Variants in PKHD1L1 observed in about 807,000 individuals in gnomAD.
PKHD1L1 encodes PKHD1 like 1.
Under a neutral mutation model 462.9 loss-of-function variants are expected in PKHD1L1, and 434 were observed. The observed-to-expected ratio is 0.94, with a 90% CI of 0.87 to 1.02. PKHD1L1 has a LOEUF of 1.02. Among genes scored for constraint, PKHD1L1 ranks in the 50% least tolerant of loss-of-function variants. The pLI is 0.00. For synonymous variants in PKHD1L1, 1,781 were observed against 1,750.0 expected (o/e 1.02, Z -0.44); for missense variants, 5,202 against 5,096.1 (o/e 1.02, Z -0.63).
rs764747168 is a variant in PKHD1L1 at position 109,445,587 on chromosome 8, G to A, written c.5718G>A (p.Leu1906=). ...IFVNTIAYPP[L]LFTYALEDTP... ...TTAATACAATTGCTTATCCACCTTT[G>A]CTTTTTACATATGCCCTGGAGGATA... The change falls in exon 38 of 78, where the codon TTG becomes TTA. Residue 1906 remains leucine, a synonymous_variant. Coordinates refer to ENST00000378402, the MANE Select transcript of PKHD1L1 (RefSeq NM_177531.6). The A allele has an allele frequency of 3.5e-5, 57 of 1,610,892 alleles. No individual in the cohort carries two copies. The highest frequency in any genetic ancestry group is 4.1e-5 in the Non-Finnish European group (48 of 1,178,286).
intron 20 of PKHD1L1, 92 bp from the exon 21 acceptor site, chr8:109,413,329 T>C (rs373455897): frequency 1.1e-6 from 1 of 918,328 alleles, no homozygotes. Flanking sequence ...AAATGCTCAA[T>C]AAATATTTAT....
In PKHD1L1 at chr8:109,480,015, A is replaced by T. The variant is rs201285415; in HGVS notation, c.9203A>T (p.Asp3068Val). 3.3e-4 allele frequency: 517 copies of T among 1,590,382 alleles called. No individual in the cohort carries two copies. Among genetic ancestry groups the T allele is most frequent in the African/African-American group, 2.8e-3 (208 of 73,620 alleles). ...GGAACATGGATTGTAGCTGACATAG[A>T]TATGCCATCAATGGAAAGACTCATT... is the stretch of plus-strand genomic sequence containing the variant. ...PEGTWIVADI[D>V]MPSMERLIIW... The change falls in exon 55 of 78, where the codon GAT (aspartate) becomes GTT (valine). Residue 3068 changes from aspartate to valine, a missense_variant. Asp to Val is a radical substitution (Grantham distance 152). Transcript: ENST00000378402.
intron 8 of PKHD1L1, among the ~76,000 whole-genome samples, chr8:109,390,052 T>C (rs1812640859): frequency 6.6e-6 from 1 of 152,106 alleles, no homozygotes; most frequent in Admixed American, 6.6e-5. Flanking sequence ...CTCTAGACAA[T>C]ATGTTCTGTT....
rs1415718620 is a variant in PKHD1L1, at chr8:109,452,765, A to G, written c.6555A>G (p.Ser2185=). 6.5e-7 allele frequency: 1 copy of G among 1,540,340 alleles called. No individual in the cohort carries two copies. Among genetic ancestry groups the G allele is most frequent in the Non-Finnish European group, 8.7e-7 (1 of 1,143,886 alleles). Residue 2185 remains serine, a synonymous_variant, in exon 43 of 78, where the codon TCA becomes TCG. Transcript: ENST00000378402. ...TTGATGCCTGGTCCTCCAATTTCTC[A>G]TGGGGGGGAAAATCTCCCCCAGAAG... ...LYVDAWSSNF[S]WGGKSPPEEG... is the part of the protein sequence containing the mutation.
In PKHD1L1 at chr8:109,409,502, A is replaced by C. The variant is rs184386486; in HGVS notation, c.1972-363A>C. ...AGTTTTTTTTTTCCAGTTAATTTTG[A>C]GTTATTTGGAAAAAGTATTTATTTG... is the stretch of plus-strand genomic sequence containing the variant. On this transcript the variant is annotated intron_variant, in intron 18 of 77. Transcript: ENST00000378402. Among the ~76,000 whole-genome samples the C allele has an allele frequency of 6.5e-3, 991 of 151,872 alleles. 10 individuals are homozygous for C. The highest frequency in any genetic ancestry group is 0.012 in the Non-Finnish European group (794 of 67,906).
intron 39 of PKHD1L1, among the ~76,000 whole-genome samples, chr8:109,448,975 T>C (rs181300027): frequency 1.3e-5 from 2 of 152,124 alleles, no homozygotes; most frequent in Non-Finnish European, 2.9e-5. Flanking sequence ...ATTTAAAAAA[T>C]TTTTTAGTTA....
intron 38 of PKHD1L1, among the ~76,000 whole-genome samples, chr8:109,446,022 G>A (rs961100797): frequency 5.9e-5 from 9 of 152,130 alleles, no homozygotes; most frequent in African/African-American, 1.7e-4. Flanking sequence ...CATTGAGAGT[G>A]TTTCAGAGTA....
rs1586547310 is a variant in PKHD1L1, at chr8:109,452,886, A to C, written c.6664+12A>C. The C allele has an allele frequency of 1.4e-6, 2 of 1,392,092 alleles. No individual in the cohort carries two copies. Among genetic ancestry groups the C allele is most frequent in the East Asian group, 5.5e-5 (2 of 36,634 alleles). The allele number at this position is 1,392,092 out of a possible 1,614,324, so 86.2% of individuals were successfully genotyped here. A position where few individuals can be genotyped will look rare whatever the true frequency, so the allele number is the denominator to read the frequency against. ...GTTGCTTATTCAGGGTAAATTTCTG[A>C]ATATCTGTTCATTGGACTCTGCCTG... On this transcript the variant is annotated intron_variant, in intron 43 of 77. Transcript: ENST00000378402.
At chr8:109,363,725 C>T (rs1811091462) in intron 1 of PKHD1L1, among the ~76,000 whole-genome samples, 1 of 152,178 alleles carries the variant, frequency 6.6e-6, no homozygotes. Context: ...GGGCAGTTCC[C>T]TCTATCTAGA....
In PKHD1L1 at chr8:109,507,866, T is replaced by G; in HGVS notation, c.11198T>G (p.Ile3733Ser). Residue 3733 changes from isoleucine (I) to serine (S), a missense_variant, in exon 69 of 78, where the codon ATT becomes AGT. Around this residue, in one of 3 missense-constraint regions of PKHD1L1, gnomAD observed 698 missense variants for 736.3 expected, o/e 0.95. Transcript: ENST00000378402. ...AMLTFLNGSR[I>S]PVTEKAPHKG... ...CTCACATTCTTGAATGGAAGTAGAA[T>G]TCCTGTCACTGAGAAAGCACCTCAT... is the stretch of plus-strand genomic sequence containing the variant. The G allele has an allele frequency of 6.2e-7, 1 of 1,613,604 alleles. No individual in the cohort carries two copies. Among genetic ancestry groups the G allele is most frequent in the Non-Finnish European group, 8.5e-7 (1 of 1,179,648 alleles).
chr8:109,473,518 GAA>G (rs1018548199), intron 50 of PKHD1L1, among the ~76,000 whole-genome samples: 1 of 131,054 alleles, frequency 7.6e-6, no homozygotes, highest in Non-Finnish European at 1.7e-5. Flanking sequence ...TCCATCTCAA[GAA>G]AAAAAAAAAA....
intron 24 of PKHD1L1, among the ~76,000 whole-genome samples, chr8:109,426,279 C>T (rs538149222): frequency 2.3e-4 from 35 of 151,952 alleles, no homozygotes; most frequent in African/African-American, 8.4e-4. Flanking sequence ...AAAAGTATTT[C>T]TATATTAAAA....
intron 47 of PKHD1L1, among the ~76,000 whole-genome samples, chr8:109,460,807 C>T (rs531265457): frequency 2.6e-5 from 4 of 152,300 alleles, no homozygotes. Context: ...CAGGTGGGCT[C>T]TTCTCATTAT....
At chr8:109,443,296 A>G (rs1040099856) in intron 36 of PKHD1L1, among the ~76,000 whole-genome samples, 180 bp downstream of exon 36, 1 of 152,132 alleles carries the variant, frequency 6.6e-6, no homozygotes, top group Non-Finnish European at 1.5e-5. Context: ...GGATCGCATT[A>G]ATGTCTTCCT....
At chr8:109,373,176 T>A (rs1811610516) in intron 2 of PKHD1L1, among the ~76,000 whole-genome samples, 1 of 152,302 alleles carries the variant, frequency 6.6e-6, no homozygotes, top group South Asian at 2.1e-4. Flanking sequence ...TTGCCTCAAT[T>A]TCAGAGCCTG....
intron 46 of PKHD1L1, among the ~76,000 whole-genome samples, chr8:109,457,305 C>T (rs1816879095): frequency 6.6e-6 from 1 of 152,094 alleles, no homozygotes; most frequent in African/African-American, 2.4e-5. Context: ...CTTTAGTGCT[C>T]ATTTTGTTCT....
intron 23 of PKHD1L1, among the ~76,000 whole-genome samples, chr8:109,422,481 C>T (rs192709626): frequency 1.8e-4 from 27 of 152,278 alleles, no homozygotes; most frequent in South Asian, 1.0e-3. Flanking sequence ...CACACAAATA[C>T]ATAGCTTTTG....
chr8:109,424,145 T>G (rs759071000), intron 23 of PKHD1L1, among the ~76,000 whole-genome samples: 3 of 152,130 alleles, frequency 2.0e-5, no homozygotes, highest in Non-Finnish European at 4.4e-5. Flanking sequence ...CAATAACCAC[T>G]CTTTTGACAT....
intron 17 of PKHD1L1, 141 bp downstream of exon 17, chr8:109,406,619 T>C (rs1402056409): frequency 6.0e-6 from 6 of 1,003,958 alleles, no homozygotes; most frequent in Non-Finnish European, 1.4e-6. Flanking sequence ...TCTACGGTAA[T>C]TTAAATTTTA....
Sources: gnomAD v4.1 joint callset for allele counts (sites outside exome capture counted in the v4.1 genomes callset) on GRCh38, gnomAD v4.1.1 for gene constraint, gnomAD v4.1.1 regional missense constraint, MANE v1.5 for transcripts, NCBI Gene and HGNC (gene_info 2026-07-23, HGNC 2026-07-21) for gene names.